Variants in PAM observed in about 807,000 individuals in gnomAD.
PAM encodes peptidylglycine alpha-amidating monooxygenase.
PAM carries 72 observed loss-of-function variants against 122.1 expected under a neutral mutation model. The ratio of observed to expected loss-of-function variants is 0.59; its 90% confidence interval spans 0.49 to 0.72. The LOEUF (loss-of-function observed/expected upper bound fraction) is 0.72. PAM is among the 30% of genes least tolerant of loss of function. The probability of loss-of-function intolerance (pLI) is 0.00; values close to 1 mark genes in which losing one functional copy is unlikely to be tolerated. For missense variants in PAM, 1,106 were observed against 1,183.7 expected, an observed-to-expected ratio of 0.93 and a Z score of 0.96; for synonymous variants, 389 against 404.4, an observed-to-expected ratio of 0.96 and a Z score of 0.46.
intron 19 of PAM, among the ~76,000 whole-genome samples, chr5:103,007,222 C>CACAT (rs1554171198): frequency 1.3e-5 from 2 of 151,360 alleles, no homozygotes; most frequent in Non-Finnish European, 3.0e-5. Context: ...CACACACACA[C>CACAT]GTCTTGTAAG....
At chr5:102,805,251 GTA>G (rs894817872) in intron 1 of PAM, among the ~76,000 whole-genome samples, 1 of 151,688 alleles carries the variant, frequency 6.6e-6, no homozygotes, top group Non-Finnish European at 1.5e-5. Context: ...TGTATTTTTA[GTA>G]GAGATGGGCT....
chr5:103,014,572 C>G (rs1781481480), intron 21 of PAM, among the ~76,000 whole-genome samples: 1 of 152,234 alleles, frequency 6.6e-6, no homozygotes, highest in South Asian at 2.1e-4. Flanking sequence ...CTGTTGACTC[C>G]TGTGTAAAAA....
intron 1 of PAM, among the ~76,000 whole-genome samples, chr5:102,840,118 A>C (rs1281857831): frequency 6.6e-6 from 1 of 152,166 alleles, no homozygotes; most frequent in African/African-American, 2.4e-5. Flanking sequence ...TTATATGTAA[A>C]ATTAATGTAC....
chr5:102,945,137 T>C (rs1756606184), intron 7 of PAM, among the ~76,000 whole-genome samples: 1 of 152,130 alleles, frequency 6.6e-6, no homozygotes, highest in African/African-American at 2.4e-5. Context: ...GTTCTTTACC[T>C]AAGTTATCTC....
intron 16 of PAM, among the ~76,000 whole-genome samples, chr5:102,994,444 A>G (rs969800014): frequency 2.6e-5 from 4 of 152,188 alleles, no homozygotes; most frequent in African/African-American, 7.2e-5. Flanking sequence ...ATTTATTTCA[A>G]CTGAAGGAAT....
At chr5:102,761,551 G>A (rs145977375) in intron 1 of PAM, among the ~76,000 whole-genome samples, 7 of 152,202 alleles carry the variant, frequency 4.6e-5, no homozygotes, top group African/African-American at 9.6e-5. Context: ...TGCTTTTTCC[G>A]TGGCTAAAAA....
At chr5:102,976,960 A>G (rs532572098) in intron 15 of PAM, among the ~76,000 whole-genome samples, 45 of 152,282 alleles carry the variant, frequency 3.0e-4, no homozygotes, top group African/African-American at 1.1e-3. Context: ...CACTGCTTAG[A>G]AGATGGAGAT....
At chr5:103,002,932 T>G in intron 16 of PAM, 101 bp from the exon 17 acceptor site, 1 of 677,668 alleles carries the variant, frequency 1.5e-6, no homozygotes, top group Non-Finnish European at 2.7e-6. Context: ...GTCAAATACA[T>G]TTGAGCTCTT....
At chr5:102,933,367 T>C (rs943337627) in intron 7 of PAM, among the ~76,000 whole-genome samples, 14 of 152,198 alleles carry the variant, frequency 9.2e-5, no homozygotes, top group African/African-American at 3.1e-4. Flanking sequence ...AAAATGGGGA[T>C]TAAAAAATAC....
intron 5 of PAM, among the ~76,000 whole-genome samples, chr5:102,916,307 C>A (rs1426028255): frequency 1.3e-5 from 2 of 152,058 alleles, no homozygotes; most frequent in Non-Finnish European, 2.9e-5. Context: ...TCACCTCAAG[C>A]AAGCAGCTCA....
intron 3 of PAM, among the ~76,000 whole-genome samples, chr5:102,884,403 T>C (rs1792304325): frequency 6.6e-6 from 1 of 151,820 alleles, no homozygotes; most frequent in Admixed American, 6.6e-5. Flanking sequence ...TTTGCACCGG[T>C]GCTATTAAAA....
chr5:102,907,750 T>C (rs1185756958), intron 4 of PAM, among the ~76,000 whole-genome samples: 2 of 152,104 alleles, frequency 1.3e-5, no homozygotes, highest in African/African-American at 4.8e-5. Context: ...TCATGTGCTT[T>C]TTGGCTGCAT....
intron 4 of PAM, among the ~76,000 whole-genome samples, chr5:102,907,626 A>C (rs1799977132): frequency 1.3e-5 from 2 of 150,574 alleles, no homozygotes; most frequent in East Asian, 2.0e-4. Context: ...CATCCTCTCC[A>C]GCACCTGTTG....
At chr5:102,967,845 C>T (rs1209647157) in intron 14 of PAM, among the ~76,000 whole-genome samples, 1 of 151,688 alleles carries the variant, frequency 6.6e-6, no homozygotes, top group East Asian at 1.9e-4. Flanking sequence ...GTCTCAGCCT[C>T]CTGAGTAGCT....
At chr5:102,956,805 C>T (rs565199190) in intron 12 of PAM, among the ~76,000 whole-genome samples, 1 of 152,010 alleles carries the variant, frequency 6.6e-6, no homozygotes, top group East Asian at 1.9e-4. Flanking sequence ...CAATTTAATT[C>T]CTTGTTCTCA....
chr5:102,808,945 A>G (rs1019300667), intron 1 of PAM, among the ~76,000 whole-genome samples: 26 of 152,332 alleles, frequency 1.7e-4, no homozygotes, highest in African/African-American at 5.8e-4. Context: ...TAATCCAGCT[A>G]TGTTCAGCTT....
chr5:102,875,021 A>G (rs1788697409), intron 3 of PAM, among the ~76,000 whole-genome samples: 1 of 152,104 alleles, frequency 6.6e-6, no homozygotes, highest in Non-Finnish European at 1.5e-5. Flanking sequence ...CTGTGCTGCC[A>G]ATCTGTTAAT....
At chr5:102,816,159 G>T (rs1034590600) in intron 1 of PAM, among the ~76,000 whole-genome samples, 16 of 152,074 alleles carry the variant, frequency 1.1e-4, no homozygotes, top group African/African-American at 3.6e-4. Flanking sequence ...TGTTTACTCC[G>T]AGTTGAGGTT....
chr5:103,022,733 A>G (rs1440418618), intron 23 of PAM, among the ~76,000 whole-genome samples: 2 of 152,058 alleles, frequency 1.3e-5, no homozygotes, highest in African/African-American at 4.8e-5. Flanking sequence ...GAGCTTCTTC[A>G]CTCTTCATTC....
Sources: allele counts gnomAD v4.1 joint callset (sites outside exome capture counted in the v4.1 genomes callset), GRCh38; gene constraint gnomAD v4.1.1; transcripts MANE v1.5; gene names NCBI Gene and HGNC (gene_info 2026-07-23, HGNC 2026-07-21).